C16orf96: variants seen among roughly 807,000 people sequenced by gnomAD.
C16orf96 encodes the protein chromosome 16 open reading frame 96.
C16orf96 carries 108 observed loss-of-function variants against 103.6 expected under a neutral mutation model. That is an observed-to-expected ratio of 1.04 (90% confidence interval 0.89 to 1.22). C16orf96 has a LOEUF of 1.22. Ranked by LOEUF, C16orf96 falls within the 50% of genes most tolerant of loss-of-function variation. The pLI is 0.00. For missense variants in C16orf96, 1,586 were observed against 1,464.2 expected (o/e 1.08, Z -1.36); for synonymous variants, 566 against 593.5 (o/e 0.95, Z 0.67).
intron 1 of C16orf96, among the ~76,000 whole-genome samples, chr16:4,557,696 G>A (rs1567436195): frequency 6.6e-6 from 1 of 151,880 alleles, no homozygotes; most frequent in Non-Finnish European, 1.5e-5. Context: ...TTGAGACAGG[G>A]TGTCACTCTG....
the C16orf96 span, among the ~76,000 whole-genome samples, chr16:4,540,251 A>AAC: frequency 1.3e-5 from 2 of 152,210 alleles, no homozygotes; most frequent in Non-Finnish European, 2.9e-5. Flanking sequence ...GGGTGGTGCC[A>AAC]CTAGACAGGT....
chr16:4,586,905 C>G (rs1309816578), intron 7 of C16orf96, 134 bp from the exon 8 acceptor site: 1 of 726,802 alleles, frequency 1.4e-6, no homozygotes, highest in Non-Finnish European at 2.3e-6. Context: ...TCTTGTAACG[C>G]CCATGCCCAC....
intron 1 of C16orf96, among the ~76,000 whole-genome samples, chr16:4,563,517 G>A (rs797001872): frequency 8.5e-5 from 13 of 152,220 alleles, no homozygotes; most frequent in African/African-American, 2.6e-4. Flanking sequence ...AGCCCAAAGT[G>A]CTGGGATTAC....
chr16:4,564,123 T>G (rs1336570898), intron 1 of C16orf96, among the ~76,000 whole-genome samples: 1 of 151,812 alleles, frequency 6.6e-6, no homozygotes. Context: ...GAGCCGAGAT[T>G]GCGCCACTGC....
At chr16:4,551,144 C>T in the C16orf96 span, among the ~76,000 whole-genome samples, 1 of 152,120 alleles carries the variant, frequency 6.6e-6, no homozygotes, top group Non-Finnish European at 1.5e-5. Context: ...AGGTGTTGCA[C>T]ACCTATGGTT....
At chr16:4,549,472 A>T in the C16orf96 span, among the ~76,000 whole-genome samples, 9 of 88,402 alleles carry the variant, frequency 1.0e-4, no homozygotes, top group East Asian at 8.3e-4. Flanking sequence ...GACTCTGTCT[A>T]AAAAAAAAAA....
intron 7 of C16orf96, among the ~76,000 whole-genome samples, chr16:4,580,630 TAAGAC>T (rs1057451839): frequency 3.4e-4 from 51 of 151,924 alleles, no homozygotes; most frequent in Non-Finnish European, 8.8e-5. Context: ...GAGGATCACT[TAAGAC>T]AAAGAGTTTG....
the C16orf96 span, among the ~76,000 whole-genome samples, chr16:4,548,956 G>A: frequency 6.6e-6 from 1 of 151,696 alleles, no homozygotes; most frequent in South Asian, 2.1e-4. Context: ...CAGTGGCACT[G>A]GGGATGTGGT....
At chr16:4,543,005 T>C in the C16orf96 span, among the ~76,000 whole-genome samples, 1 of 152,156 alleles carries the variant, frequency 6.6e-6, no homozygotes, top group Non-Finnish European at 1.5e-5. Flanking sequence ...GGTCCTGTTC[T>C]AGGCCTGGAA....
chr16:4,556,919 C>A lies in C16orf96; in HGVS notation c.420+10C>A, dbSNP rs1250206449. On this transcript the variant is annotated intron_variant, in intron 1 of 15. Transcript: ENST00000444310. Reference sequence around the variant, plus strand: ...TGAAGTCATGGCCAAGGTACGCCCCCAGCCTCCAGACACTTCTTTTCCTCC... The same window carrying A: ...TGAAGTCATGGCCAAGGTACGCCCCAAGCCTCCAGACACTTCTTTTCCTCC... 2 of 1,530,342 alleles carry A rather than the reference C, an allele frequency of 1.3e-6. No homozygotes were observed. The highest frequency in any genetic ancestry group is 1.8e-6 in the Non-Finnish European group (2 of 1,132,898). The allele number at this position is 1,530,342 out of a possible 1,614,324, so 94.8% of individuals were successfully genotyped here.
At chr16:4,587,399 G>C (rs2010598) in intron 8 of C16orf96, among the ~76,000 whole-genome samples, 103,034 of 151,884 alleles carry the variant, frequency 0.68, 38,079 homozygotes, top group East Asian at 0.88. Flanking sequence ...GTGGTGGCAG[G>C]TAACTGTAAT....
the C16orf96 span, among the ~76,000 whole-genome samples, chr16:4,546,391 C>T: frequency 1.3e-5 from 2 of 151,676 alleles, no homozygotes; most frequent in African/African-American, 4.8e-5. Flanking sequence ...ATCTCCTGAC[C>T]TCGTGATCTG....
chr16:4,596,462 A>AC (rs149582273), intron 14 of C16orf96, among the ~76,000 whole-genome samples: 1 of 147,210 alleles, frequency 6.8e-6, no homozygotes, highest in African/African-American at 2.5e-5. Flanking sequence ...TCTAGCCTGG[A>AC]CAACAGAGCG....
intron 7 of C16orf96, 67 bp from the exon 8 acceptor site, chr16:4,586,972 T>C: frequency 7.2e-7 from 1 of 1,383,738 alleles, no homozygotes; most frequent in Non-Finnish European, 1.0e-6. Context: ...ATGGTAGAGG[T>C]GGGAGGTTGA....
intron 10 of C16orf96, 119 bp from the exon 11 acceptor site, chr16:4,592,186 G>T (rs1897074290): frequency 8.1e-7 from 1 of 1,238,198 alleles, no homozygotes; most frequent in South Asian, 1.3e-5. Context: ...GGCCTGTGGG[G>T]CTGAGCTGGG....
At position 4,576,647 on chromosome 16, in the gene C16orf96, C is replaced by A; in HGVS notation, c.2155+12C>A. On this transcript the variant is annotated intron_variant, in intron 5 of 15. Coordinates refer to ENST00000444310, the MANE Select transcript of C16orf96 (RefSeq NM_001145011.2). Reference sequence around the variant, plus strand: ...CTTGAGTTATCTAGGTAGGCCTGGTCTGGCCCTGGGAAGGGCACAAGGGAG... The same window carrying A: ...CTTGAGTTATCTAGGTAGGCCTGGTATGGCCCTGGGAAGGGCACAAGGGAG... 1 of 1,543,812 alleles carries A rather than the reference C, an allele frequency of 6.5e-7. No individual in the cohort carries two copies. The highest frequency in any genetic ancestry group is 1.2e-5 in the South Asian group (1 of 82,368).
At chr16:4,562,945 C>T in intron 1 of C16orf96, 1 of 1,394,750 alleles carries the variant, frequency 7.2e-7, no homozygotes, top group East Asian at 2.3e-5. Flanking sequence ...TCTCCAATAT[C>T]AATTAGCACT....
chr16:4,575,331 A>G lies in C16orf96; in HGVS notation c.851A>G (p.Glu284Gly). Residue 284 changes from glutamate to glycine, a missense_variant, in exon 5 of 16, where the codon GAG becomes GGG. Transcript: ENST00000444310. Reference sequence around the variant, plus strand: ...CTACTGCAGACTGTCTGGCATTATGAGGTCCCAGAGCTCCTCCCGGAGGGC... The same window carrying G: ...CTACTGCAGACTGTCTGGCATTATGGGGTCCCAGAGCTCCTCCCGGAGGGC... ...PQLLQTVWHY[E>G]VPELLPEGSS... is the part of the protein sequence containing the mutation. 6.4e-7 allele frequency: 1 copy of G among 1,551,252 alleles called. No homozygotes were observed. The highest frequency in any genetic ancestry group is 1.4e-5 in the African/African-American group (1 of 73,166).
At chr16:4,580,353 G>C (rs1245647841) in intron 7 of C16orf96, among the ~76,000 whole-genome samples, 2 of 124,474 alleles carry the variant, frequency 1.6e-5, no homozygotes, top group African/African-American at 5.9e-5. Context: ...GACAATGTTC[G>C]TCTTTTTGAC....
Sources: gnomAD v4.1 joint callset for allele counts (sites outside exome capture counted in the v4.1 genomes callset) on GRCh38, gnomAD v4.1.1 for gene constraint, MANE v1.5 for transcripts, NCBI Gene and HGNC (gene_info 2026-07-23, HGNC 2026-07-21) for gene names.